Variants in B3GLCT observed in about 807,000 individuals in gnomAD.
B3GLCT encodes beta 3-glucosyltransferase.
In B3GLCT, 65 loss-of-function variants were observed where a neutral mutation model predicts 63.4. The ratio of observed to expected loss-of-function variants is 1.03; its 90% CI spans 0.84 to 1.26. The LOEUF (loss-of-function observed/expected upper bound fraction) is 1.26, where lower values mean the gene tolerates loss of function less well. Among genes scored for constraint, B3GLCT ranks in the 50% most tolerant of loss-of-function variants. The pLI, the probability that B3GLCT is intolerant of heterozygous loss-of-function variation, is 0.00. For missense variants in B3GLCT, 577 were observed against 604.8 expected, an observed-to-expected ratio of 0.95 and a Z score of 0.48; for synonymous variants, 233 against 219.2, an observed-to-expected ratio of 1.06 and a Z score of -0.55.
rs34785097 is a variant in B3GLCT, at chr13:31,295,007, C to CTT, written c.1064+8196_1064+8197dup. 7.1e-4 allele frequency among the ~76,000 whole-genome samples: 106 copies of CTT among 150,162 alleles called. 1 individual carries two copies. In the South Asian group the frequency reaches 0.01, roughly 14 times the overall value. On this transcript the variant is annotated intron_variant, in intron 12 of 14. Transcript: ENST00000343307. ...TTGAATGGGGTTTTGTGTGGACGTC[C>CTT]TTTTTTTTTGATGCTGATGCTATTC...
chr13:31,204,619 CCTT>C (rs1868854351), intron 1 of B3GLCT, among the ~76,000 whole-genome samples: 1 of 151,960 alleles, frequency 6.6e-6, no homozygotes, highest in African/African-American at 2.4e-5. Context: ...TTGGGGTCAT[CCTT>C]AGAGCAGAGG....
intron 12 of B3GLCT, among the ~76,000 whole-genome samples, chr13:31,316,054 G>A (rs1181704536): frequency 1.3e-5 from 2 of 152,216 alleles, no homozygotes; most frequent in Non-Finnish European, 2.9e-5. Flanking sequence ...ATACCTGGAT[G>A]TCCAGGCAGA....
chr13:31,241,559 T>G (rs2137795898), intron 4 of B3GLCT, among the ~76,000 whole-genome samples: 1 of 152,324 alleles, frequency 6.6e-6, no homozygotes, highest in East Asian at 1.9e-4. Context: ...GGAGGCTCAT[T>G]CTAGTTGGGG....
chr13:31,315,614 T>G (rs2137931122), intron 12 of B3GLCT, among the ~76,000 whole-genome samples: 1 of 152,324 alleles, frequency 6.6e-6, no homozygotes, highest in Admixed American at 6.5e-5. Flanking sequence ...TTTGGAAAAT[T>G]TGCAGCCTGA....
chr13:31,323,947 T>C, intron 14 of B3GLCT, 52 bp downstream of exon 14: 1 of 1,600,750 alleles, frequency 6.2e-7, no homozygotes, highest in Non-Finnish European at 8.6e-7. Flanking sequence ...GACAGATTCT[T>C]CTCACTTAAG....
Position 31,227,107 on chromosome 13 carries a change from G to T in B3GLCT, c.161-2078G>T, listed in dbSNP as rs139308476. Among the ~76,000 whole-genome samples the T allele has an allele frequency of 7.5e-4, 114 of 152,164 alleles. 1 individual carries two copies. The highest frequency in any genetic ancestry group is 1.5e-3 in the Non-Finnish European group (100 of 67,986). On this transcript the variant is annotated intron_variant, in intron 3 of 14. Coordinates refer to ENST00000343307, the MANE Select transcript of B3GLCT (RefSeq NM_194318.4). ...TATGACTATGGGATTTATCCATCTG[G>T]ATTGATACATGTAGTACTGGTTAAT... is the stretch of plus-strand genomic sequence containing the variant.
chr13:31,216,829 A>G (rs544229655), intron 2 of B3GLCT, among the ~76,000 whole-genome samples: 51 of 152,114 alleles, frequency 3.4e-4, no homozygotes, highest in Non-Finnish European at 4.9e-4. Context: ...TCCATACCAC[A>G]TTTTCTTTAT....
chr13:31,260,144 G>A (rs1325633659), intron 6 of B3GLCT, among the ~76,000 whole-genome samples: 1 of 151,970 alleles, frequency 6.6e-6, no homozygotes, highest in South Asian at 2.1e-4. Context: ...TTTTTTCATT[G>A]ACTGTATCAA....
chr13:31,234,464 C>T (rs1870541852), intron 4 of B3GLCT, among the ~76,000 whole-genome samples: 1 of 152,090 alleles, frequency 6.6e-6, no homozygotes, highest in Non-Finnish European at 1.5e-5. Context: ...AAGTGCTGAG[C>T]CTGGAACTGA....
intron 4 of B3GLCT, among the ~76,000 whole-genome samples, chr13:31,231,794 G>C (rs923813143): frequency 1.3e-5 from 2 of 152,184 alleles, no homozygotes. Context: ...GGAAAAATGA[G>C]AGTTGGCAGG....
At chr13:31,284,900 A>G (rs1873246979) in intron 11 of B3GLCT, 139 bp downstream of exon 11, 5 of 667,472 alleles carry the variant, frequency 7.5e-6, no homozygotes, top group Non-Finnish European at 1.3e-5. Context: ...TCTCTCAGAT[A>G]CTGATTGGTT....
chr13:31,253,945 T>C (rs1219904795), intron 6 of B3GLCT, among the ~76,000 whole-genome samples: 1 of 152,158 alleles, frequency 6.6e-6, no homozygotes, highest in African/African-American at 2.4e-5. Context: ...AAAAAATGGA[T>C]AAATTCCTGG....
chr13:31,267,438 A>T (rs1316505444), intron 7 of B3GLCT, among the ~76,000 whole-genome samples: 1 of 152,252 alleles, frequency 6.6e-6, no homozygotes, highest in Admixed American at 6.5e-5. Context: ...CAGTTTATTT[A>T]TGAAAACATG....
intron 2 of B3GLCT, among the ~76,000 whole-genome samples, chr13:31,218,590 T>C (rs889996723): frequency 2.6e-5 from 4 of 152,348 alleles, no homozygotes; most frequent in Non-Finnish European, 2.9e-5. Flanking sequence ...CCTGAAACTT[T>C]GCTGAAGATT....
chr13:31,265,308 G>A (rs1872238710), intron 7 of B3GLCT, among the ~76,000 whole-genome samples: 1 of 152,022 alleles, frequency 6.6e-6, no homozygotes, highest in Non-Finnish European at 1.5e-5. Flanking sequence ...ATAATTGTTG[G>A]GCTCAATATT....
chr13:31,244,763 G>T (rs1470410822), intron 4 of B3GLCT, among the ~76,000 whole-genome samples: 3 of 152,094 alleles, frequency 2.0e-5, no homozygotes, highest in African/African-American at 7.2e-5. Flanking sequence ...ATATATGTGT[G>T]TATATGTATA....
chr13:31,323,667 A>C, intron 13 of B3GLCT, 84 bp from the exon 14 acceptor site: 2 of 1,501,922 alleles, frequency 1.3e-6, no homozygotes, highest in South Asian at 2.3e-5. Context: ...GCAGGAGTAA[A>C]GTCCTGTTTC....
In B3GLCT at chr13:31,247,118, C is replaced by T. The variant is rs1438191559; in HGVS notation, c.347+19C>T. The T allele has an allele frequency of 1.3e-6, 2 of 1,579,156 alleles. No homozygotes were observed. The highest frequency in any genetic ancestry group is 4.5e-5 in the East Asian group (2 of 44,636). ...TACCGCAGTACGTTTGTTTAACTCA[C>T]CTGTGAATTACTGACATTCCTACCT... On this transcript the variant is annotated intron_variant, in intron 5 of 14. Coordinates refer to ENST00000343307, the MANE Select transcript of B3GLCT (RefSeq NM_194318.4).
At chr13:31,200,962 C>T (rs1868633984) in intron 1 of B3GLCT, among the ~76,000 whole-genome samples, 1 of 151,368 alleles carries the variant, frequency 6.6e-6, no homozygotes, top group African/African-American at 2.4e-5. Context: ...TTCTTTTCTC[C>T]TCGCAAGGGC....
Sources: allele counts gnomAD v4.1 joint callset (sites outside exome capture counted in the v4.1 genomes callset), GRCh38; gene constraint gnomAD v4.1.1; transcripts MANE v1.5; gene names NCBI Gene and HGNC (gene_info 2026-07-23, HGNC 2026-07-21).